STPG2: variants seen among roughly 807,000 people sequenced by gnomAD.
STPG2 encodes the protein sperm-tail PG-rich repeat-containing protein 2.
In STPG2, 56 loss-of-function variants were observed where a neutral mutation model predicts 54.2. That is an observed-to-expected ratio of 1.03 (90% CI 0.83 to 1.29). STPG2 has a LOEUF of 1.29. Among genes scored for constraint, STPG2 ranks in the 50% most tolerant of loss-of-function variants. The pLI is 0.00. For missense variants in STPG2, 596 were observed against 544.9 expected (o/e 1.09, Z -0.93); for synonymous variants, 200 against 181.8 (o/e 1.10, Z -0.81).
chr4:97,903,704 G>C (rs1731270134), intron 8 of STPG2, among the ~76,000 whole-genome samples: 2 of 152,198 alleles, frequency 1.3e-5, no homozygotes, highest in South Asian at 2.1e-4. Context: ...CATCTCACTA[G>C]GGAGTGCCAG....
At chr4:97,697,550 G>A (rs771754238) in intron 10 of STPG2, among the ~76,000 whole-genome samples, 2 of 152,172 alleles carry the variant, frequency 1.3e-5, no homozygotes, top group Non-Finnish European at 2.9e-5. Context: ...ATTCCTGCGA[G>A]AAGTAGCTCA....
At chr4:97,569,825 A>G (rs1732553233) in intron 10 of STPG2, among the ~76,000 whole-genome samples, 1 of 152,196 alleles carries the variant, frequency 6.6e-6, no homozygotes, top group East Asian at 1.9e-4. Flanking sequence ...TCTCCCTATA[A>G]ATTATTAATT....
intron 10 of STPG2, among the ~76,000 whole-genome samples, chr4:97,625,355 G>A (rs2148927911): frequency 6.6e-6 from 1 of 152,320 alleles, no homozygotes; most frequent in Non-Finnish European, 1.5e-5. Context: ...CTGTTGCCCA[G>A]GCTGGAGTGC....
rs911863760 is a variant in STPG2 at position 97,894,481 on chromosome 4, C to A, written c.1044+49416G>T. 1.3e-5 allele frequency among the ~76,000 whole-genome samples: 2 copies of A among 151,874 alleles called. 1 individual carries two copies. Among genetic ancestry groups the A allele is most frequent in the Admixed American group, 1.3e-4 (2 of 15,210 alleles). ...TTCTAAGATAAGAAATTCCTTCTGT[C>A]TACTTTGGCTGTAACTTTGTCTTCT... On this transcript the variant is annotated intron_variant, in intron 8 of 10. Coordinates refer to ENST00000295268, the MANE Select transcript of STPG2 (RefSeq NM_174952.3).
At chr4:97,639,646 A>G (rs1311569173) in intron 10 of STPG2, among the ~76,000 whole-genome samples, 1 of 152,132 alleles carries the variant, frequency 6.6e-6, no homozygotes, top group African/African-American at 2.4e-5. Flanking sequence ...ACAAACATTT[A>G]TAAATATATA....
At chr4:97,676,875 C>A (rs1208547939) in intron 10 of STPG2, among the ~76,000 whole-genome samples, 1 of 152,102 alleles carries the variant, frequency 6.6e-6, no homozygotes, top group African/African-American at 2.4e-5. Flanking sequence ...CACTTATAAC[C>A]AGAACAGACA....
chr4:97,913,243 T>A (rs1435799395), intron 8 of STPG2, among the ~76,000 whole-genome samples: 1 of 152,204 alleles, frequency 6.6e-6, no homozygotes, highest in Non-Finnish European at 1.5e-5. Context: ...ATCACTTTAT[T>A]AACTTTAAGA....
chr4:97,744,084 C>T (rs1294693868), intron 9 of STPG2, among the ~76,000 whole-genome samples: 2 of 151,416 alleles, frequency 1.3e-5, no homozygotes, highest in Non-Finnish European at 3.0e-5. Context: ...CCTTGATATG[C>T]TGGTGAGCTA....
Position 98,111,896 on chromosome 4 carries a change from C to T in STPG2, c.388-2591G>A, listed in dbSNP as rs112127602. 5.9e-3 allele frequency among the ~76,000 whole-genome samples: 900 copies of T among 152,164 alleles called. 6 individuals carry two copies. The highest frequency in any genetic ancestry group is 0.02 in the Middle Eastern group (6 of 294). ...CTTCTCCTACCTTCGGACATCAGAA[C>T]TCCAGGTTTTCTAGCCTTTGGATTC... is the stretch of plus-strand genomic sequence containing the variant. On this transcript the variant is annotated intron_variant, in intron 3 of 10. Transcript: ENST00000295268.
chr4:98,136,267 G>A (rs1430863338), intron 1 of STPG2, among the ~76,000 whole-genome samples: 1 of 151,256 alleles, frequency 6.6e-6, no homozygotes, highest in Non-Finnish European at 1.5e-5. Context: ...AAAAAATAAG[G>A]TGCTCCTTGA....
chr4:97,855,215 A>G (rs6851840), intron 8 of STPG2, among the ~76,000 whole-genome samples: 88,575 of 151,948 alleles, frequency 0.58, 26,367 homozygotes, highest in East Asian at 0.74. Context: ...ACAAATATAC[A>G]CATGAATGTA....
At chr4:98,046,410 G>A (rs1737129786) in intron 5 of STPG2, among the ~76,000 whole-genome samples, 1 of 151,882 alleles carries the variant, frequency 6.6e-6, no homozygotes, top group Admixed American at 6.6e-5. Flanking sequence ...TCTCTTTATT[G>A]CTTTTGGCAT....
intron 8 of STPG2, among the ~76,000 whole-genome samples, chr4:97,926,582 G>A (rs1253399876): frequency 2.0e-5 from 3 of 152,086 alleles, no homozygotes; most frequent in African/African-American, 7.2e-5. Flanking sequence ...TTTAAGAAAT[G>A]TTTCCGAAGT....
At chr4:97,637,144 A>G (rs1721574709) in intron 10 of STPG2, among the ~76,000 whole-genome samples, 1 of 152,214 alleles carries the variant, frequency 6.6e-6, no homozygotes, top group Non-Finnish European at 1.5e-5. Context: ...CTTATCCACC[A>G]TGATCGAGTG....
chr4:97,534,983 AT>A (rs1249870668), intron 4 of STPG2, among the ~76,000 whole-genome samples: 1 of 152,172 alleles, frequency 6.6e-6, no homozygotes, highest in Non-Finnish European at 1.5e-5. Flanking sequence ...ATACTTTTCT[AT>A]TTGATGAATG....
intron 5 of STPG2, among the ~76,000 whole-genome samples, chr4:98,054,545 C>T: frequency 6.6e-6 from 1 of 152,074 alleles, no homozygotes; most frequent in East Asian, 1.9e-4. Flanking sequence ...TTTATTTTAT[C>T]TGCTAATGTT....
chr4:97,749,108 A>C (rs145879949), intron 9 of STPG2, among the ~76,000 whole-genome samples: 1 of 151,824 alleles, frequency 6.6e-6, no homozygotes, highest in Non-Finnish European at 1.5e-5. Context: ...TAGTGTGTGC[A>C]TAAAACAATG....
At chr4:97,530,964 C>T (rs1385795231) in intron 4 of STPG2, among the ~76,000 whole-genome samples, 1 of 152,068 alleles carries the variant, frequency 6.6e-6, no homozygotes, top group Admixed American at 6.6e-5. Flanking sequence ...ATTCCATTGA[C>T]TGGATTAATA....
chr4:97,605,940 T>C (rs1733581659), intron 10 of STPG2, among the ~76,000 whole-genome samples: 1 of 151,858 alleles, frequency 6.6e-6, no homozygotes, highest in African/African-American at 2.4e-5. Flanking sequence ...GGCAATTTAA[T>C]TGCTGTGAGT....
Sources: allele counts gnomAD v4.1 joint callset (sites outside exome capture counted in the v4.1 genomes callset), GRCh38; gene constraint gnomAD v4.1.1; transcripts MANE v1.5; gene names NCBI Gene and HGNC (gene_info 2026-07-23, HGNC 2026-07-21).